The following GPATCH2 variants were observed in gnomAD, a reference collection of about 807,000 sequenced individuals.
GPATCH2 encodes G patch domain-containing protein 2.
Under a neutral mutation model 58.0 loss-of-function variants are expected in GPATCH2, and 51 were observed. The ratio of observed to expected loss-of-function variants is 0.88; its 90% CI spans 0.70 to 1.11. GPATCH2 has a LOEUF of 1.11. GPATCH2 is among the 50% of genes most tolerant of loss of function. GPATCH2 has a pLI of 0.00. For missense variants in GPATCH2, 625 were observed against 652.2 expected, an observed-to-expected ratio of 0.96 and a Z score of 0.45; for synonymous variants, 222 against 218.5, an observed-to-expected ratio of 1.02 and a Z score of -0.14.
chr1:217,581,118 A>G (rs1363600015), intron 5 of GPATCH2, among the ~76,000 whole-genome samples: 2 of 152,208 alleles, frequency 1.3e-5, no homozygotes, highest in Non-Finnish European at 2.9e-5. Context: ...ACCAGCCCCA[A>G]GATCCGCTGG....
intron 7 of GPATCH2, among the ~76,000 whole-genome samples, chr1:217,497,129 A>C (rs1468055371): frequency 3.3e-5 from 5 of 152,190 alleles, no homozygotes. Context: ...TAAAGGGTAG[A>C]AAATGAGCTT....
At chr1:217,443,356 T>C (rs906545123) in intron 9 of GPATCH2, among the ~76,000 whole-genome samples, 5 of 152,180 alleles carry the variant, frequency 3.3e-5, no homozygotes, top group African/African-American at 1.2e-4. Flanking sequence ...TTGGAAATAT[T>C]CTCTCTTACA....
chr1:217,569,258 A>G (rs933088734), intron 5 of GPATCH2, among the ~76,000 whole-genome samples: 4 of 152,114 alleles, frequency 2.6e-5, no homozygotes, highest in African/African-American at 9.7e-5. Context: ...AAAATACTAG[A>G]AGAAACTATA....
intron 5 of GPATCH2, among the ~76,000 whole-genome samples, chr1:217,607,261 C>T (rs1343074859): frequency 6.6e-6 from 1 of 152,156 alleles, no homozygotes; most frequent in Non-Finnish European, 1.5e-5. Flanking sequence ...CCGACATACA[C>T]GTGCATTCCT....
At chr1:217,521,912 A>T (rs1030567595) in intron 5 of GPATCH2, among the ~76,000 whole-genome samples, 7 of 152,202 alleles carry the variant, frequency 4.6e-5, no homozygotes, top group African/African-American at 1.7e-4. Context: ...CTAACCTTAC[A>T]GCTGCCAGCA....
intron 5 of GPATCH2, among the ~76,000 whole-genome samples, chr1:217,523,776 G>T (rs1344100483): frequency 6.8e-6 from 1 of 146,328 alleles, no homozygotes; most frequent in Non-Finnish European, 1.5e-5. Context: ...CTCACCTCCC[G>T]GACGGGGCGG....
chr1:217,587,025 G>A lies in GPATCH2; in HGVS notation c.1098+23296C>T, dbSNP rs1222071838. On this transcript the variant is annotated intron_variant, in intron 5 of 9. Transcript: ENST00000366935. ...TGATATAATCTGGAAGTATAACTAA[G>A]AGCCTTGGAACTACTGATGGTGTAT... 2.6e-5 allele frequency among the ~76,000 whole-genome samples: 4 copies of A among 152,158 alleles called. No homozygotes were observed. The East Asian group carries it at 7.7e-4, about 29-fold the overall frequency.
At chr1:217,586,093 G>A (rs182162031) in intron 5 of GPATCH2, among the ~76,000 whole-genome samples, 4 of 152,266 alleles carry the variant, frequency 2.6e-5, no homozygotes, top group Admixed American at 1.3e-4. Context: ...GGAGAGGTGA[G>A]TGAAAGTGAA....
intron 8 of GPATCH2, among the ~76,000 whole-genome samples, chr1:217,459,622 A>G (rs1248919612): frequency 1.3e-5 from 2 of 152,216 alleles, no homozygotes; most frequent in East Asian, 3.8e-4. Context: ...TAAAAAACCT[A>G]TCAAAATAGA....
chr1:217,456,078 C>T (rs530872592), intron 8 of GPATCH2, among the ~76,000 whole-genome samples: 145 of 152,190 alleles, frequency 9.5e-4, no homozygotes, highest in African/African-American at 3.3e-3. Context: ...AATAAAAGCC[C>T]GGCATTTACC....
At chr1:217,607,391 G>C (rs953875212) in intron 5 of GPATCH2, among the ~76,000 whole-genome samples, 1 of 151,918 alleles carries the variant, frequency 6.6e-6, no homozygotes, top group African/African-American at 2.4e-5. Flanking sequence ...TGCTTTTTGT[G>C]GGTGATTATT....
intron 8 of GPATCH2, among the ~76,000 whole-genome samples, chr1:217,478,413 A>G (rs930702991): frequency 1.3e-4 from 20 of 152,252 alleles, no homozygotes; most frequent in Non-Finnish European, 2.9e-5. Context: ...TCAAAATTCT[A>G]TTAGACAAAT....
At chr1:217,450,457 G>C (rs1421178522) in intron 8 of GPATCH2, among the ~76,000 whole-genome samples, 1 of 152,066 alleles carries the variant, frequency 6.6e-6, no homozygotes, top group East Asian at 1.9e-4. Context: ...GGAGAGTACA[G>C]TTATTTCAAA....
chr1:217,592,974 T>G (rs1667663692), intron 5 of GPATCH2, among the ~76,000 whole-genome samples: 1 of 152,006 alleles, frequency 6.6e-6, no homozygotes, highest in Admixed American at 6.6e-5. Context: ...AACAGTCATC[T>G]AACAACCTCT....
chr1:217,456,668 T>G (rs374050083), intron 8 of GPATCH2, among the ~76,000 whole-genome samples: 20 of 152,318 alleles, frequency 1.3e-4, no homozygotes, highest in African/African-American at 4.6e-4. Context: ...AGAGGATGCA[T>G]GAATTTTATC....
intron 5 of GPATCH2, among the ~76,000 whole-genome samples, chr1:217,535,072 C>G (rs1191367631): frequency 6.6e-6 from 1 of 152,080 alleles, no homozygotes; most frequent in Non-Finnish European, 1.5e-5. Flanking sequence ...TAGTAAGGAC[C>G]CAATAATGCT....
At chr1:217,519,311 C>T (rs1024381327) in intron 5 of GPATCH2, among the ~76,000 whole-genome samples, 4 of 152,088 alleles carry the variant, frequency 2.6e-5, no homozygotes, top group Admixed American at 6.6e-5. Flanking sequence ...TCACAAAAAG[C>T]ACAATCTGTT....
At chr1:217,446,561 CAA>C (rs1254843433) in intron 9 of GPATCH2, among the ~76,000 whole-genome samples, 4 of 152,056 alleles carry the variant, frequency 2.6e-5, no homozygotes, top group Non-Finnish European at 5.9e-5. Flanking sequence ...CTCTTAGAGA[CAA>C]ACAGTTATGC....
intron 8 of GPATCH2, among the ~76,000 whole-genome samples, chr1:217,466,814 T>C (rs936407141): frequency 4.0e-5 from 6 of 151,800 alleles, no homozygotes; most frequent in African/African-American, 1.2e-4. Context: ...AAGGTAAAGG[T>C]AGTAAGAGAA....
Sources: allele counts gnomAD v4.1 joint callset (sites outside exome capture counted in the v4.1 genomes callset), GRCh38; gene constraint gnomAD v4.1.1; transcripts MANE v1.5; gene names NCBI Gene and HGNC (gene_info 2026-07-23, HGNC 2026-07-21).